CCNB1IP1: variants seen among roughly 807,000 people sequenced by gnomAD.
CCNB1IP1 encodes cyclin B1 interacting protein 1.
Under a neutral mutation model 25.6 loss-of-function variants are expected in CCNB1IP1, and 14 were observed. The observed-to-expected ratio is 0.55, with a 90% CI of 0.36 to 0.85. The LOEUF (loss-of-function observed/expected upper bound fraction) is 0.85, where lower values mean the gene tolerates loss of function less well. CCNB1IP1 is among the 40% of genes least tolerant of loss of function. The probability of loss-of-function intolerance (pLI) is 0.01; values close to 1 mark genes in which losing one functional copy is unlikely to be tolerated. For synonymous variants in CCNB1IP1, 119 were observed against 116.1 expected (o/e 1.02, Z -0.16); for missense variants, 278 against 342.4 (o/e 0.81, Z 1.48).
At chr14:20,332,129 G>A (rs1469478879) in intron 1 of CCNB1IP1, among the ~76,000 whole-genome samples, 3 of 145,948 alleles carry the variant, frequency 2.1e-5, no homozygotes, top group Non-Finnish European at 4.5e-5. Flanking sequence ...CCACCTCCCG[G>A]GTTCAAGCGA....
chr14:20,313,401 A>C, intron 6 of CCNB1IP1, 67 bp downstream of exon 6: 1 of 1,242,744 alleles, frequency 8.0e-7, no homozygotes, highest in South Asian at 1.6e-5. Flanking sequence ...AATGCTTGGA[A>C]GTGGGCAGAG....
chr14:20,326,294 G>A (rs112209225), intron 3 of CCNB1IP1, among the ~76,000 whole-genome samples: 2 of 151,990 alleles, frequency 1.3e-5, no homozygotes, highest in African/African-American at 4.8e-5. Context: ...TGATTTTTTG[G>A]GGATATAGAG....
chr14:20,328,420 C>T (rs1883141475), intron 2 of CCNB1IP1, among the ~76,000 whole-genome samples: 1 of 152,068 alleles, frequency 6.6e-6, no homozygotes, highest in Non-Finnish European at 1.5e-5. Flanking sequence ...CCTTCCTTGC[C>T]CTATACTTAG....
At chr14:20,320,099 T>C (rs1172216616) in intron 4 of CCNB1IP1, among the ~76,000 whole-genome samples, 1 of 152,212 alleles carries the variant, frequency 6.6e-6, no homozygotes, top group East Asian at 1.9e-4. Flanking sequence ...TTATATGGAG[T>C]CATTTAACAG....
rs73583476 is a variant in CCNB1IP1 at position 20,323,024 on chromosome 14, T to C, written c.-38+2515A>G. Among the ~76,000 whole-genome samples, 883 of 152,338 alleles carry C rather than the reference T, an allele frequency of 5.8e-3. 12 individuals are homozygous for C. The highest frequency in any genetic ancestry group is 0.02 in the African/African-American group (851 of 41,570). The stretch of plus-strand genomic sequence containing the variant: ...GAACATGAATGACTTTAGAGTATAA[T>C]GTTTCAGTAACTCTCAGAATCAACT... On this transcript the variant is annotated intron_variant, in intron 4 of 6. Transcript: ENST00000358932.
At chr14:20,332,026 A>ATATATATATTT (rs59034398) in intron 1 of CCNB1IP1, among the ~76,000 whole-genome samples, 3 of 40,742 alleles carry the variant, frequency 7.4e-5, no homozygotes, top group African/African-American at 2.6e-4. Flanking sequence ...ATATATATAT[A>ATATATATATTT]TTTTTTTTTT....
chr14:20,329,031 A>T (rs994493415), intron 2 of CCNB1IP1, 143 bp downstream of exon 2: 1 of 152,208 alleles, frequency 6.6e-6, no homozygotes, highest in Non-Finnish European at 1.5e-5. Flanking sequence ...AATTGATACT[A>T]AATCAGCAGA....
intron 2 of CCNB1IP1, among the ~76,000 whole-genome samples, chr14:20,328,515 AG>A (rs1473369461): frequency 6.6e-6 from 1 of 152,158 alleles, no homozygotes; most frequent in East Asian, 1.9e-4. Context: ...ATGGTGTGAA[AG>A]GTTTCTCCAG....
In CCNB1IP1 at chr14:20,326,750, A is replaced by C. The variant is rs192675537; in HGVS notation, c.-187T>G. ...CACATGAATCCAGCTTCTATCTAGA[A>C]ATCCAGTTGAACCACAGGATCTATC... On this transcript the variant is annotated 5_prime_UTR_variant, in exon 3 of 7. The change creates a new upstream start codon in the 5' untranslated region. Transcript: ENST00000358932. 223 of 295,586 alleles carry C rather than the reference A, an allele frequency of 7.5e-4. No individual in the cohort carries two copies. The highest frequency in any genetic ancestry group is 4.6e-3 in the African/African-American group (213 of 45,832). 18.3% of individuals were successfully genotyped at this position (295,586 alleles called of 1,614,324 possible).
intron 4 of CCNB1IP1, among the ~76,000 whole-genome samples, chr14:20,316,941 T>C (rs562957329): frequency 6.6e-6 from 1 of 152,196 alleles, no homozygotes; most frequent in South Asian, 2.1e-4. Context: ...AAACCCAGTC[T>C]CTATTAAAAA....
At chr14:20,320,863 C>T (rs561671603) in intron 4 of CCNB1IP1, among the ~76,000 whole-genome samples, 1 of 147,170 alleles carries the variant, frequency 6.8e-6, no homozygotes, top group Non-Finnish European at 1.5e-5. Context: ...TCAGGCCAGG[C>T]GCAATGGCTC....
chr14:20,311,900 C>T (rs1368489662), intron 6 of CCNB1IP1, 148 bp from the exon 7 acceptor site: 22 of 496,470 alleles, frequency 4.4e-5, no homozygotes, highest in Middle Eastern at 5.6e-4. Flanking sequence ...AAATCTTTTA[C>T]CCCAGGTTAA....
At chr14:20,314,818 G>A (rs150518613) in intron 5 of CCNB1IP1, among the ~76,000 whole-genome samples, 16,343 of 151,896 alleles carry the variant, frequency 0.11, 1,129 homozygotes, top group East Asian at 0.17. Context: ...TCGGCCGGGC[G>A]CGGTGGCTCA....
intron 4 of CCNB1IP1, among the ~76,000 whole-genome samples, chr14:20,323,760 C>CA (rs1466583632): frequency 2.7e-5 from 4 of 150,570 alleles, no homozygotes; most frequent in African/African-American, 7.3e-5. Flanking sequence ...ACTAAAAATA[C>CA]AAAAAAAATT....
At chr14:20,318,037 C>T (rs904036718) in intron 4 of CCNB1IP1, 1 of 152,380 alleles carries the variant, frequency 6.6e-6, no homozygotes, top group South Asian at 2.1e-4. Flanking sequence ...CTGGCACCTC[C>T]ATGTTGAGGT....
rs745848581 is a variant in CCNB1IP1 at position 20,311,588 on chromosome 14, G to A, written c.796C>T (p.Gln266Ter). ...VSPSRELEQQ[Q>*]VSSRAFKVKR... ...ACTTTGAAGGCCCTGCTAGAAACTT[G>A]CTGCTGCTCTAATTCACGACTTGGA... Residue 266 changes from glutamine (Q) to a stop codon, truncating the protein, a stop_gained, in exon 7 of 7, where the codon CAA becomes TAA. Coordinates refer to ENST00000358932, the MANE Select transcript of CCNB1IP1 (RefSeq NM_021178.5). LOFTEE classifies it high-confidence loss of function. The A allele has an allele frequency of 2.5e-6, 4 of 1,613,758 alleles. No homozygotes were observed.
chr14:20,313,373 T>C (rs1882566142), intron 6 of CCNB1IP1, 95 bp downstream of exon 6: 47 of 985,294 alleles, frequency 4.8e-5, no homozygotes, highest in Non-Finnish European at 6.9e-5. Flanking sequence ...GCTTGTCTTA[T>C]CCTTATCGTC....
rs58512948 is a variant in CCNB1IP1 at position 20,322,221 on chromosome 14, A to T, written c.-38+3318T>A. Reference sequence around the variant, plus strand: ...AACAATACCACAGTGAATGTTCTATACATGTCTCCTTGAGTACATATGCCA... The same window carrying T: ...AACAATACCACAGTGAATGTTCTATTCATGTCTCCTTGAGTACATATGCCA... On this transcript the variant is annotated intron_variant, in intron 4 of 6. Transcript: ENST00000358932. 4.3e-3 allele frequency among the ~76,000 whole-genome samples: 657 copies of T among 152,346 alleles called. 3 individuals carry two copies. Among genetic ancestry groups the T allele is most frequent in the African/African-American group, 0.015 (619 of 41,582 alleles).
chr14:20,322,442 A>G (rs1882923840), intron 4 of CCNB1IP1, among the ~76,000 whole-genome samples: 1 of 152,128 alleles, frequency 6.6e-6, no homozygotes, highest in Admixed American at 6.6e-5. Context: ...TTTACAATCT[A>G]CCAAAGGATC....
Sources: allele counts gnomAD v4.1 joint callset (sites outside exome capture counted in the v4.1 genomes callset), GRCh38; gene constraint gnomAD v4.1.1; transcripts MANE v1.5; gene names NCBI Gene and HGNC (gene_info 2026-07-23, HGNC 2026-07-21).